Variants in TMEM108 observed in about 807,000 individuals in gnomAD.
TMEM108 encodes the protein transmembrane protein 108.
A neutral mutation model predicts 35.1 loss-of-function variants in TMEM108; 12 were observed. That is an observed-to-expected ratio of 0.34 (90% CI 0.22 to 0.55). The LOEUF (loss-of-function observed/expected upper bound fraction) is 0.55. Ranked by LOEUF, TMEM108 falls within the 20% of genes least tolerant of loss-of-function variation. TMEM108 has a pLI of 0.89. For synonymous variants in TMEM108, 287 were observed against 308.6 expected (o/e 0.93, Z 0.73); for missense variants, 680 against 753.3 (o/e 0.90, Z 1.14).
At chr3:133,307,411 A>G (rs1041949887) in intron 3 of TMEM108, among the ~76,000 whole-genome samples, 6 of 152,072 alleles carry the variant, frequency 3.9e-5, no homozygotes, top group African/African-American at 1.5e-4. Flanking sequence ...TTTTGTTGCC[A>G]TTGCTTTTGG....
chr3:133,242,674 G>T (rs1946330058), intron 3 of TMEM108, among the ~76,000 whole-genome samples: 1 of 152,226 alleles, frequency 6.6e-6, no homozygotes, highest in African/African-American at 2.4e-5. Flanking sequence ...GTCAACCAGT[G>T]CTAGTGCTAG....
At chr3:133,249,804 G>A (rs887080106) in intron 3 of TMEM108, among the ~76,000 whole-genome samples, 6 of 152,010 alleles carry the variant, frequency 3.9e-5, no homozygotes, top group Non-Finnish European at 7.4e-5. Flanking sequence ...AACTTCTGTG[G>A]TGAATAAATT....
intron 2 of TMEM108, among the ~76,000 whole-genome samples, chr3:133,082,893 A>G (rs1289779554): frequency 2.6e-5 from 4 of 152,112 alleles, no homozygotes; most frequent in African/African-American, 4.8e-5. Context: ...GGTTCAAGCA[A>G]TCCTCTTACC....
chr3:133,377,269 TAAAC>T (rs1450825521), intron 3 of TMEM108, among the ~76,000 whole-genome samples: 1 of 152,192 alleles, frequency 6.6e-6, no homozygotes, highest in African/African-American at 2.4e-5. Context: ...ACTTGTGAGC[TAAAC>T]AGACACTTGA....
At chr3:133,052,480 A>G (rs188806943) in intron 2 of TMEM108, among the ~76,000 whole-genome samples, 7 of 148,114 alleles carry the variant, frequency 4.7e-5, no homozygotes, top group Admixed American at 1.4e-4. Flanking sequence ...TTTTATTTTA[A>G]TTTAATTTAA....
chr3:133,152,293 A>G (rs1275903932), intron 2 of TMEM108, among the ~76,000 whole-genome samples: 1 of 152,220 alleles, frequency 6.6e-6, no homozygotes, highest in Non-Finnish European at 1.5e-5. Context: ...CTGTTTCAAC[A>G]GGCTCTCTTA....
At chr3:133,250,085 T>A (rs1270027994) in intron 3 of TMEM108, among the ~76,000 whole-genome samples, 1 of 152,116 alleles carries the variant, frequency 6.6e-6, no homozygotes, top group East Asian at 1.9e-4. Flanking sequence ...GCTCTTGAGG[T>A]GTCAGTAGAG....
intron 3 of TMEM108, among the ~76,000 whole-genome samples, chr3:133,302,142 G>A (rs1387699871): frequency 1.3e-5 from 2 of 152,166 alleles, no homozygotes; most frequent in Non-Finnish European, 2.9e-5. Context: ...CTTAAATCTA[G>A]TGAATCCATG....
At chr3:133,326,179 T>C (rs1004548057) in intron 3 of TMEM108, among the ~76,000 whole-genome samples, 13 of 152,198 alleles carry the variant, frequency 8.5e-5, no homozygotes, top group African/African-American at 3.1e-4. Context: ...CTTCCGTAAG[T>C]GCTGTCTCTT....
At chr3:133,278,834 C>A (rs1384737463) in intron 3 of TMEM108, among the ~76,000 whole-genome samples, 1 of 152,164 alleles carries the variant, frequency 6.6e-6, no homozygotes, top group Non-Finnish European at 1.5e-5. Flanking sequence ...GCATTGACAT[C>A]ACCAGGGATA....
At chr3:133,220,679 A>T (rs1945976728) in intron 2 of TMEM108, among the ~76,000 whole-genome samples, 1 of 152,208 alleles carries the variant, frequency 6.6e-6, no homozygotes, top group African/African-American at 2.4e-5. Flanking sequence ...TCTCCCATGG[A>T]CACCAGCTGA....
Position 133,380,033 on chromosome 3 carries a change from C to T in TMEM108, c.322C>T (p.His108Tyr), listed in dbSNP as rs749921697. 6.2e-7 allele frequency: 1 copy of T among 1,614,022 alleles called. No individual in the cohort carries two copies. The change falls in exon 4 of 6, where the codon CAT becomes TAT. Residue 108 changes from histidine to tyrosine, a missense_variant. Around this residue, in one of 3 missense-constraint regions of TMEM108, gnomAD observed 526 missense variants for 532.1 expected, o/e 0.99. Transcript: ENST00000321871. The surrounding 1 kb of genome is among the most constrained non-coding windows in gnomAD (Gnocchi z 5.3). ...STIAATVTAP[H>Y]SESSLSTGPA... is the part of the protein sequence containing the mutation. ...CATCGCTGCGACAGTAACCGCCCCC[C>T]ATTCTGAAAGCTCCCTGTCCACAGG... is the stretch of plus-strand genomic sequence containing the variant.
At chr3:133,134,860 G>A (rs1187699844) in intron 2 of TMEM108, among the ~76,000 whole-genome samples, 1 of 151,396 alleles carries the variant, frequency 6.6e-6, no homozygotes, top group Admixed American at 6.6e-5. Flanking sequence ...CTTTTGAATT[G>A]ATAAGTCTTT....
intron 2 of TMEM108, among the ~76,000 whole-genome samples, chr3:133,075,071 C>A (rs1351922101): frequency 6.6e-6 from 1 of 152,152 alleles, no homozygotes; most frequent in Non-Finnish European, 1.5e-5. Context: ...GTACATCAAA[C>A]CTGCTGCGTC....
chr3:133,385,842 A>G (rs1270461927), intron 4 of TMEM108, among the ~76,000 whole-genome samples: 2 of 151,964 alleles, frequency 1.3e-5, no homozygotes, highest in Non-Finnish European at 2.9e-5. Context: ...GCAAAATGGG[A>G]CTCCTGTCCA....
At chr3:133,040,849 C>T (rs776915062) in intron 1 of TMEM108, among the ~76,000 whole-genome samples, 20 of 152,196 alleles carry the variant, frequency 1.3e-4, no homozygotes, top group Admixed American at 2.6e-4. Flanking sequence ...TCCTTTCTGT[C>T]GTTTCTGTCC....
At chr3:133,064,012 C>T (rs1185551073) in intron 2 of TMEM108, among the ~76,000 whole-genome samples, 1 of 152,168 alleles carries the variant, frequency 6.6e-6, no homozygotes, top group Non-Finnish European at 1.5e-5. Context: ...CAGTGAGGAT[C>T]CTTCATTCAT....
intron 2 of TMEM108, among the ~76,000 whole-genome samples, chr3:133,214,204 C>G (rs1945873456): frequency 6.6e-6 from 1 of 152,104 alleles, no homozygotes; most frequent in African/African-American, 2.4e-5. Context: ...CCATTCTTAC[C>G]CCTATTACAG....
At chr3:133,068,962 G>C (rs920940373) in intron 2 of TMEM108, among the ~76,000 whole-genome samples, 1 of 152,236 alleles carries the variant, frequency 6.6e-6, no homozygotes, top group East Asian at 1.9e-4. Context: ...AAGTTAAATA[G>C]TAGGGAATAG....
Sources: allele counts gnomAD v4.1 joint callset (sites outside exome capture counted in the v4.1 genomes callset), GRCh38; gene constraint gnomAD v4.1.1; regional missense constraint gnomAD v4.1.1; non-coding constraint Gnocchi (gnomAD v3.1); transcripts MANE v1.5; gene names NCBI Gene and HGNC (gene_info 2026-07-23, HGNC 2026-07-21).